Variants in NAP1L1 observed in about 807,000 individuals in gnomAD.
The protein encoded by NAP1L1 is nucleosome assembly protein 1 like 1.
NAP1L1 carries 9 observed loss-of-function variants against 58.9 expected under a neutral mutation model. That is an observed-to-expected ratio of 0.15 (90% CI 0.09 to 0.27). NAP1L1 has a LOEUF of 0.27. NAP1L1 is among the 10% of genes least tolerant of loss of function. The pLI is 1.00. For missense variants in NAP1L1, 302 were observed against 458.8 expected (o/e 0.66, Z 3.12); for synonymous variants, 130 against 138.3 (o/e 0.94, Z 0.42).
At chr12:76,057,626 G>A in intron 6 of NAP1L1, 1 of 1,302,310 alleles carries the variant, frequency 7.7e-7, no homozygotes, top group Non-Finnish European at 1.1e-6. Context: ...TACCTACTTT[G>A]AGTCCTTTAT....
intron 11 of NAP1L1, 87 bp from the exon 12 acceptor site, chr12:76,050,740 G>C (rs777390215): frequency 1.5e-4 from 217 of 1,403,336 alleles, no homozygotes; most frequent in Non-Finnish European, 1.9e-4. Flanking sequence ...GAGGCTGGGT[G>C]TGATGGCTCA....
intron 6 of NAP1L1, chr12:76,057,319 A>G: frequency 3.0e-6 from 1 of 331,882 alleles, no homozygotes; most frequent in Non-Finnish European, 5.8e-6. Context: ...AATGTAAGGA[A>G]ATAATGACTT....
In NAP1L1 at chr12:76,041,633, G is replaced by A. The variant is rs572797967; in HGVS notation, c.*6796C>T. 1 of 152,306 alleles carries A rather than the reference G, an allele frequency of 6.6e-6. No homozygotes were observed. The highest frequency in any genetic ancestry group is 6.5e-5 in the Admixed American group (1 of 15,294). The allele number at this position is 152,306 out of a possible 1,614,324, so 9.4% of individuals were successfully genotyped here. ...GCGGCAGCTCCCACTTGTAAGCATA[G>A]CACCTCAGGAGGTTGAGGTGAGACA... On this transcript the variant is annotated 3_prime_UTR_variant, in exon 15 of 15. Transcript: ENST00000618691.
chr12:76,058,028 C>A, intron 6 of NAP1L1: 1 of 793,286 alleles, frequency 1.3e-6, no homozygotes, highest in South Asian at 1.3e-5. Flanking sequence ...ATGAAATTAT[C>A]ATTCAAGGAG....
In NAP1L1 at chr12:76,053,903, C is replaced by A; in HGVS notation, c.637G>T (p.Val213Phe). The A allele has an allele frequency of 6.3e-7, 1 of 1,596,742 alleles. No homozygotes were observed. The highest frequency in any genetic ancestry group is 1.8e-5 in the Admixed American group (1 of 54,592). The change falls in exon 9 of 15, where the codon GTC (valine) becomes TTC (phenylalanine). Residue 213 changes from valine (V) to phenylalanine (F), a missense_variant. Transcript: ENST00000618691. ...TTGGGTTCAAAGTGAAATTCTAAGA[C>A]AAAACTCTGGGGAGAGGAAGCATAA... ...FSDAGQPMSFVLEFHFEPNEY... is the reference protein window; with the variant it reads ...FSDAGQPMSFFLEFHFEPNEY...
chr12:76,057,438 G>C, intron 6 of NAP1L1: 1 of 582,302 alleles, frequency 1.7e-6, no homozygotes. Context: ...ATGCTCTAGG[G>C]AGGCCCTGGC....
Position 76,039,230 on chromosome 12 carries a change from G to A in NAP1L1, c.*9199C>T, listed in dbSNP as rs529157807. On this transcript the variant is annotated 3_prime_UTR_variant, in exon 15 of 15. Transcript: ENST00000618691. ...TACTATCCTACTTTTAGCACTGTGAGCATAAACCATAGGTTCTTCTTTTTA... is the reference window on the plus strand; with the variant it reads ...TACTATCCTACTTTTAGCACTGTGAACATAAACCATAGGTTCTTCTTTTTA... 6.6e-6 allele frequency: 1 copy of A among 152,308 alleles called. No homozygotes were observed. Among genetic ancestry groups the A allele is most frequent in the East Asian group, 1.9e-4 (1 of 5,194 alleles). 9.4% of individuals were successfully genotyped at this position (152,308 alleles called of 1,614,324 possible). A position where few individuals can be genotyped will look rare whatever the true frequency, so the allele number is the denominator to read the frequency against.
At chr12:76,063,397 A>G (rs1422122511) in intron 4 of NAP1L1, among the ~76,000 whole-genome samples, 1 of 152,258 alleles carries the variant, frequency 6.6e-6, no homozygotes, top group Non-Finnish European at 1.5e-5. Context: ...GGAAGCAGAA[A>G]AGAAGGAAGA....
At chr12:76,053,164 T>C (rs1294540258) in intron 10 of NAP1L1, 41 bp downstream of exon 10, 4 of 1,612,430 alleles carry the variant, frequency 2.5e-6, no homozygotes, top group East Asian at 4.5e-5. Flanking sequence ...CAATGCTTTT[T>C]ATAAAACAAC....
chr12:76,053,947 C>CCT (rs775792580), intron 8 of NAP1L1, 38 bp from the exon 9 acceptor site: 7 of 1,575,332 alleles, frequency 4.4e-6, no homozygotes, highest in Non-Finnish European at 6.0e-6. Flanking sequence ...TAAATACCTA[C>CCT]CTCACATATT....
intron 4 of NAP1L1, chr12:76,060,993 TA>T: frequency 2.4e-6 from 1 of 419,794 alleles, no homozygotes; most frequent in Non-Finnish European, 4.7e-6. Context: ...CTTGGAAGGC[TA>T]AGATGAGAGC....
intron 4 of NAP1L1, among the ~76,000 whole-genome samples, chr12:76,060,582 T>C (rs12318663): frequency 0.02 from 2,975 of 152,262 alleles, 94 homozygotes; most frequent in African/African-American, 0.067. Flanking sequence ...CAGACCATCT[T>C]AATTCTGAGA....
chr12:76,051,507 G>C (rs1391894696), intron 11 of NAP1L1, among the ~76,000 whole-genome samples: 1 of 152,126 alleles, frequency 6.6e-6, no homozygotes, highest in Non-Finnish European at 1.5e-5. Flanking sequence ...GACAGTCCTA[G>C]TTCAGAAAGA....
chr12:76,048,368 ATAAG>A lies in NAP1L1; in HGVS notation c.*57_*60del, dbSNP rs370053633. The A allele has an allele frequency of 6.6e-4, 1,029 of 1,570,928 alleles. 20 individuals are homozygous for A. In the South Asian group the frequency reaches 0.01, roughly 16 times the overall value. ...TACAAAAACATAAGGCTGTAAGTAA[ATAAG>A]AGTTGTGTTTAGGCTATTACAGTGC... is the stretch of plus-strand genomic sequence containing the variant. On this transcript the variant is annotated 3_prime_UTR_variant, in exon 15 of 15. Transcript: ENST00000618691.
chr12:76,071,042 T>C (rs1426398353), intron 2 of NAP1L1, among the ~76,000 whole-genome samples: 4 of 152,178 alleles, frequency 2.6e-5, no homozygotes, highest in African/African-American at 7.2e-5. Context: ...TTATGTTCTA[T>C]TGCTTATTTG....
Position 76,051,266 on chromosome 12 carries a change from A to G in NAP1L1, c.937-613T>C, listed in dbSNP as rs537996050. On this transcript the variant is annotated intron_variant, in intron 11 of 14. Transcript: ENST00000618691. ...TGCTGGTTTAAACATAAATACATAAAAGCAACTGTTACATGTCCGCAATTT... is the reference window on the plus strand; with the variant it reads ...TGCTGGTTTAAACATAAATACATAAGAGCAACTGTTACATGTCCGCAATTT... Among the ~76,000 whole-genome samples the G allele has an allele frequency of 1.6e-4, 24 of 152,198 alleles. No homozygotes were observed. In the East Asian group the frequency reaches 4.4e-3, roughly 28 times the overall value.
At chr12:76,058,910 C>T (rs1234819535) in intron 6 of NAP1L1, among the ~76,000 whole-genome samples, 3 of 152,038 alleles carry the variant, frequency 2.0e-5, no homozygotes, top group Non-Finnish European at 4.4e-5. Flanking sequence ...TCAAGTCCAC[C>T]CTATGGGCAC....
chr12:76,072,821 C>T (rs1385396158), intron 2 of NAP1L1, among the ~76,000 whole-genome samples: 1 of 152,092 alleles, frequency 6.6e-6, no homozygotes, highest in Admixed American at 6.5e-5. Context: ...CTATCCTACA[C>T]CCAAACTATC....
At chr12:76,051,954 T>C (rs1035111123) in intron 11 of NAP1L1, among the ~76,000 whole-genome samples, 1 of 151,724 alleles carries the variant, frequency 6.6e-6, no homozygotes, top group Non-Finnish European at 1.5e-5. Context: ...GCAGAGGTTG[T>C]GGTGAGTGGA....
Sources: gnomAD v4.1 joint callset for allele counts (sites outside exome capture counted in the v4.1 genomes callset) on GRCh38, gnomAD v4.1.1 for gene constraint, MANE v1.5 for transcripts, NCBI Gene and HGNC (gene_info 2026-07-23, HGNC 2026-07-21) for gene names.